Variants in IFNGR1 observed in about 807,000 individuals in gnomAD.
IFNGR1 encodes AVP, type 2.
Under a neutral mutation model 35.4 loss-of-function variants are expected in IFNGR1, and 23 were observed. That is an observed-to-expected ratio of 0.65 (90% CI 0.47 to 0.92). The LOEUF (loss-of-function observed/expected upper bound fraction) is 0.92, where lower values mean the gene tolerates loss of function less well. IFNGR1 is among the 40% of genes least tolerant of loss of function. The pLI is 0.00. For synonymous variants in IFNGR1, 199 were observed against 209.5 expected (o/e 0.95, Z 0.43); for missense variants, 533 against 583.4 (o/e 0.91, Z 0.89).
At chr6:137,218,193 G>C (rs1779752794) in intron 1 of IFNGR1, among the ~76,000 whole-genome samples, 1 of 152,176 alleles carries the variant, frequency 6.6e-6, no homozygotes, top group Non-Finnish European at 1.5e-5. Flanking sequence ...CATAAAGAGA[G>C]AGACAAATAA....
chr6:137,219,381 G>C lies in IFNGR1; in HGVS notation c.-54C>G, dbSNP rs1269719174. Reference sequence around the variant, plus strand: ...CCCGAGCGCCTGCGGGACCAGCCCAGCACTGCCCTCCAGCCCCGGCCTTAC... The same window carrying C: ...CCCGAGCGCCTGCGGGACCAGCCCACCACTGCCCTCCAGCCCCGGCCTTAC... On this transcript the variant is annotated 5_prime_UTR_variant, in exon 1 of 7. Coordinates refer to ENST00000367739, the MANE Select transcript of IFNGR1 (RefSeq NM_000416.3). 1.9e-6 allele frequency: 3 copies of C among 1,565,654 alleles called. No individual in the cohort carries two copies. The highest frequency in any genetic ancestry group is 2.6e-6 in the Non-Finnish European group (3 of 1,155,212).
rs1332569909 is a variant in IFNGR1 at position 137,198,092 on chromosome 6, T to C, written c.1409A>G (p.Asp470Gly). ...ACCAATCAAGGACTCTTTACCGCTA[T>C]CATCCACAAGTAGATCCACTAGCAC... is the stretch of plus-strand genomic sequence containing the variant. ...PHVLVDLLVD[D>G]SGKESLIGYR... Residue 470 changes from aspartate to glycine, a missense_variant, in exon 7 of 7, where the codon GAT (aspartate) becomes GGT (glycine). Transcript: ENST00000367739. 1 of 1,614,060 alleles carries C rather than the reference T, an allele frequency of 6.2e-7. No homozygotes were observed. Among genetic ancestry groups the C allele is most frequent in the East Asian group, 2.2e-5 (1 of 44,894 alleles).
At position 137,206,542 on chromosome 6, in the gene IFNGR1, A is replaced by G. The variant is rs1483675505; in HGVS notation, c.201-234T>C. On this transcript the variant is annotated intron_variant, in intron 2 of 6. Transcript: ENST00000367739. ...AAAATGTAAGACCTATGCAAGCCAC[A>G]TTCCACATTCAATTTTTTAAAAATC... 3 of 462,586 alleles carry G rather than the reference A, an allele frequency of 6.5e-6. No homozygotes were observed. In the East Asian group the frequency reaches 1.1e-4, roughly 17 times the overall value. The allele number at this position is 462,586 out of a possible 1,614,324, so 28.7% of individuals were successfully genotyped here.
chr6:137,206,700 T>C (rs1779438572), intron 2 of IFNGR1: 1 of 486,704 alleles, frequency 2.1e-6, no homozygotes, highest in Non-Finnish European at 3.6e-6. Flanking sequence ...TACAGGAAGA[T>C]GACATAGTAA....
chr6:137,198,196 T>C lies in IFNGR1; in HGVS notation c.1305A>G (p.Lys435=), dbSNP rs779877190. The change falls in exon 7 of 7, where the codon AAA becomes AAG. Residue 435 remains lysine, a synonymous_variant. Coordinates refer to ENST00000367739, the MANE Select transcript of IFNGR1 (RefSeq NM_000416.3). ...LSDSEFPPNN[K]GEIKTEGQEL... is the part of the protein sequence containing the mutation. ...CTTGTCCTTCTGTTTTTATTTCACC[T>C]TTATTATTTGGGGGAAATTCTGAGT... The C allele has an allele frequency of 6.2e-7, 1 of 1,614,132 alleles. No homozygotes were observed. Among genetic ancestry groups the C allele is most frequent in the Non-Finnish European group, 8.5e-7 (1 of 1,180,020 alleles).
chr6:137,217,584 A>G (rs897444385), intron 1 of IFNGR1, among the ~76,000 whole-genome samples: 12 of 152,214 alleles, frequency 7.9e-5, no homozygotes, highest in African/African-American at 2.2e-4. Context: ...ATTCCTGCCA[A>G]GTGTGGAAAG....
intron 1 of IFNGR1, among the ~76,000 whole-genome samples, chr6:137,207,780 A>T (rs1779476690): frequency 6.6e-6 from 1 of 152,148 alleles, no homozygotes; most frequent in Non-Finnish European, 1.5e-5. Flanking sequence ...GCATGTCTTT[A>T]TCAGCAGCAT....
intron 1 of IFNGR1, chr6:137,210,087 A>C: frequency 2.7e-6 from 1 of 374,188 alleles, no homozygotes; most frequent in Non-Finnish European, 4.7e-6. Context: ...GCGGTGGCCC[A>C]CACCTGTAAT....
At chr6:137,218,352 C>T in intron 1 of IFNGR1, 2 of 526,252 alleles carry the variant, frequency 3.8e-6, no homozygotes, top group Admixed American at 2.3e-5. Context: ...TTACTCTGCA[C>T]TTCAGAAAAG....
In IFNGR1 at chr6:137,207,436, T is replaced by G. The variant is rs2223965; in HGVS notation, c.86-359A>C. Among the ~76,000 whole-genome samples the G allele has an allele frequency of 0.016, 2,478 of 152,298 alleles. 208 individuals carry two copies. The South Asian group carries it at 0.26, about 16-fold the overall frequency. On this transcript the variant is annotated intron_variant, in intron 1 of 6. Coordinates refer to ENST00000367739, the MANE Select transcript of IFNGR1 (RefSeq NM_000416.3). The stretch of plus-strand genomic sequence containing the variant: ...CACTAGAATTTTCAATATTTGATAC[T>G]ACAGATTGTATTCAATGTTGATAGG...
Position 137,218,324 on chromosome 6 carries a change from T to G in IFNGR1, c.85+919A>C, listed in dbSNP as rs955833146. ...AATTGAAAAGGTTTACTGTTTTCTC[T>G]GGAGCTCGTAATCACAATTACTCTG... On this transcript the variant is annotated intron_variant, in intron 1 of 6. Coordinates refer to ENST00000367739, the MANE Select transcript of IFNGR1 (RefSeq NM_000416.3). 2.0e-5 allele frequency: 9 copies of G among 447,658 alleles called. No homozygotes were observed. In the East Asian group the frequency reaches 6.4e-4, roughly 32 times the overall value. The allele number at this position is 447,658 out of a possible 1,614,324, so 27.7% of individuals were successfully genotyped here. A position where few individuals can be genotyped will look rare whatever the true frequency, so the allele number is the denominator to read the frequency against.
At chr6:137,219,161 G>A in intron 1 of IFNGR1, 82 bp downstream of exon 1, 4 of 1,523,292 alleles carry the variant, frequency 2.6e-6, no homozygotes, top group Non-Finnish European at 3.6e-6. Flanking sequence ...TCGGAGAAGC[G>A]GGGCGGGGCT....
At chr6:137,212,539 A>G (rs1403649674) in intron 1 of IFNGR1, among the ~76,000 whole-genome samples, 1 of 152,220 alleles carries the variant, frequency 6.6e-6, no homozygotes, top group Non-Finnish European at 1.5e-5. Context: ...TACAGGTGTG[A>G]GCCACCGGGC....
chr6:137,218,694 G>A (rs1779766588), intron 1 of IFNGR1: 1 of 351,548 alleles, frequency 2.8e-6, no homozygotes, highest in Admixed American at 3.9e-5. Context: ...CTTAACGATG[G>A]AGATCCGTTC....
intron 1 of IFNGR1, among the ~76,000 whole-genome samples, chr6:137,214,965 G>A (rs774197184): frequency 3.2e-4 from 49 of 152,052 alleles, no homozygotes; most frequent in Non-Finnish European, 5.9e-4. Flanking sequence ...ATATGACTAA[G>A]GGAATTTAAT....
intron 5 of IFNGR1, among the ~76,000 whole-genome samples, chr6:137,202,797 T>A (rs1012585618): frequency 5.9e-5 from 9 of 152,156 alleles, no homozygotes; most frequent in African/African-American, 2.2e-4. Flanking sequence ...GAACTACAGA[T>A]TATTTTGTTT....
In IFNGR1 at chr6:137,219,282, T is replaced by A. The variant is rs758608616; in HGVS notation, c.46A>T (p.Arg16Trp). ...LLPLVMQGVSRAEMGTADLGP... is the reference protein window; with the variant it reads ...LLPLVMQGVSWAEMGTADLGP... ...AGATCCGCGGTGCCCATCTCAGCCCTGCTCACACCCTGCATGACAAGGGGT... is the reference window on the plus strand; with the variant it reads ...AGATCCGCGGTGCCCATCTCAGCCCAGCTCACACCCTGCATGACAAGGGGT... Residue 16 changes from arginine to tryptophan, a missense_variant, in exon 1 of 7, where the codon AGG (arginine) becomes TGG (tryptophan). Arg to Trp is a moderately radical substitution (Grantham distance 101). Transcript: ENST00000367739. 2 of 1,611,992 alleles carry A rather than the reference T, an allele frequency of 1.2e-6. No homozygotes were observed. The highest frequency in any genetic ancestry group is 2.7e-5 in the African/African-American group (2 of 75,020).
At position 137,203,651 on chromosome 6, in the gene IFNGR1, T is replaced by A; in HGVS notation, c.581A>T (p.Asp194Val). Residue 194 changes from aspartate to valine, a missense_variant, in exon 5 of 7, where the codon GAT becomes GTT. Physicochemically the swap from Asp to Val is radical, Grantham distance 152. Transcript: ENST00000367739. ...TAACTGGCACTGAATCTCGTCACAA[T>A]CATCTTCCTTCTGCGTGAGTATTTT... ...QYKILTQKED[D>V]CDEIQCQLAI... 6.2e-7 allele frequency: 1 copy of A among 1,613,074 alleles called. No individual in the cohort carries two copies. Among genetic ancestry groups the A allele is most frequent in the South Asian group, 1.1e-5 (1 of 91,056 alleles).
At chr6:137,203,423 G>A (rs2114472673) in intron 5 of IFNGR1, 76 bp downstream of exon 5, 1 of 799,614 alleles carries the variant, frequency 1.3e-6, no homozygotes, top group East Asian at 2.5e-5. Context: ...AACTGCAAAT[G>A]AGTTTGCTTT....
Sources: allele counts gnomAD v4.1 joint callset (sites outside exome capture counted in the v4.1 genomes callset), GRCh38; gene constraint gnomAD v4.1.1; transcripts MANE v1.5; gene names NCBI Gene and HGNC (gene_info 2026-07-23, HGNC 2026-07-21).